The following SLC51A variants were observed in gnomAD, a reference collection of about 807,000 sequenced individuals.
SLC51A encodes organic solute transporter subunit alpha.
Under a neutral mutation model 34.8 loss-of-function variants are expected in SLC51A, and 22 were observed. The observed-to-expected ratio is 0.63, with a 90% CI of 0.45 to 0.90. SLC51A has a LOEUF of 0.90. Among genes scored for constraint, SLC51A ranks in the 40% least tolerant of loss-of-function variants. SLC51A has a pLI of 0.00. For missense variants in SLC51A, 371 were observed against 414.8 expected (o/e 0.89, Z 0.92); for synonymous variants, 181 against 176.3 (o/e 1.03, Z -0.21).
At position 196,224,536 on chromosome 3, in the gene SLC51A, C is replaced by T. The variant is rs142534043; in HGVS notation, c.134-2429C>T. On this transcript the variant is annotated intron_variant, in intron 2 of 8. Coordinates refer to ENST00000296327, the MANE Select transcript of SLC51A (RefSeq NM_152672.6). ...GCGAAAACCGTCTCTACTAGCTGGG[C>T]GTGGTGGCAGGTGCCTGTAATCCCA... Among the ~76,000 whole-genome samples the T allele has an allele frequency of 9.8e-3, 1,479 of 151,594 alleles. 39 individuals carry two copies. Among genetic ancestry groups the T allele is most frequent in the African/African-American group, 0.034 (1,395 of 41,292 alleles).
chr3:196,219,138 G>A (rs1367862768), intron 2 of SLC51A, among the ~76,000 whole-genome samples: 3 of 152,096 alleles, frequency 2.0e-5, no homozygotes, highest in East Asian at 3.9e-4. Flanking sequence ...AGGCAGGAGA[G>A]TTGCTTGAAC....
chr3:196,222,648 A>G (rs1723793627), intron 2 of SLC51A, among the ~76,000 whole-genome samples: 1 of 149,980 alleles, frequency 6.7e-6, no homozygotes, highest in Admixed American at 6.7e-5. Context: ...AAAAAAAAAA[A>G]GTTAAGTTTT....
At position 196,228,697 on chromosome 3, in the gene SLC51A, G is replaced by T; in HGVS notation, c.522-112G>T. On this transcript the variant is annotated intron_variant, in intron 5 of 8. Transcript: ENST00000296327. The surrounding 1 kb of genome is among the most constrained non-coding windows in gnomAD (Gnocchi z 4.9). ...CTGTCCCCATCCACTTAACCTGGTT[G>T]GTGTTTATGACAGCAGCCGAGCCTC... 1.2e-6 allele frequency: 1 copy of T among 840,792 alleles called. No homozygotes were observed. 52.1% of individuals were successfully genotyped at this position (840,792 alleles called of 1,614,324 possible).
At position 196,233,131 on chromosome 3, in the gene SLC51A, A is replaced by G. The variant is rs1255108567; in HGVS notation, c.955A>G (p.Arg319Gly). 1.9e-6 allele frequency: 3 copies of G among 1,614,236 alleles called. No homozygotes were observed. The highest frequency in any genetic ancestry group is 4.5e-5 in the East Asian group (2 of 44,886). The stretch of plus-strand genomic sequence containing the variant: ...TGTGCTGACACGAATGTACTACCGA[A>G]GGAAAGACCACAAGGTTGGGTATGA... ...MTVLTRMYYR[R>G]KDHKVGYETF... The change falls in exon 9 of 9, where the codon AGG becomes GGG. Residue 319 changes from arginine to glycine, a missense_variant. Arg to Gly is a moderately radical substitution (Grantham distance 125). Coordinates refer to ENST00000296327, the MANE Select transcript of SLC51A (RefSeq NM_152672.6).
At chr3:196,224,105 C>T (rs923657610) in intron 2 of SLC51A, 6 of 221,026 alleles carry the variant, frequency 2.7e-5, no homozygotes, top group African/African-American at 9.5e-5. Flanking sequence ...GTGATCCACC[C>T]GCCTCGGCCT....
At chr3:196,227,942 G>T in intron 4 of SLC51A, 173 bp from the exon 5 acceptor site, 1 of 1,002,214 alleles carries the variant, frequency 1.0e-6, no homozygotes, top group Non-Finnish European at 1.5e-6. Context: ...TGTTCCCACA[G>T]TCTGAAATTC....
chr3:196,223,751 G>T, intron 2 of SLC51A: 1 of 101,858 alleles, frequency 9.8e-6, no homozygotes. Flanking sequence ...AAAAAAAAAA[G>T]AAAGAAAGAA....
intron 6 of SLC51A, among the ~76,000 whole-genome samples, chr3:196,229,619 C>T (rs931376085): frequency 6.0e-5 from 9 of 150,794 alleles, no homozygotes; most frequent in Non-Finnish European, 1.3e-4. Flanking sequence ...TCAGGTGATC[C>T]GCCCGCCTCT....
Position 196,230,072 on chromosome 3 carries a change from C to T in SLC51A, c.780+11C>T, listed in dbSNP as rs367874138. On this transcript the variant is annotated intron_variant, in intron 7 of 8. Coordinates refer to ENST00000296327, the MANE Select transcript of SLC51A (RefSeq NM_152672.6). ...TTTGCTCTGTTCCAGGTAACTATAC[C>T]CTGGGAGAGAAAAGATGTTTCATAA... 3.8e-6 allele frequency: 6 copies of T among 1,596,822 alleles called. No individual in the cohort carries two copies. The African/African-American group carries it at 5.4e-5, about 14-fold the overall frequency.
rs1365124467 is a variant in SLC51A at position 196,216,901 on chromosome 3, G to A, written c.38+151G>A. On this transcript the variant is annotated intron_variant, in intron 1 of 8. Coordinates refer to ENST00000296327, the MANE Select transcript of SLC51A (RefSeq NM_152672.6). This position sits in a 1 kb window ranked among gnomAD's most constrained non-coding sequence, Gnocchi z 4.5. ...CTCTAGCTGTTCCTAGGTCCTCAGG[G>A]ACAACGTGGGTTTGGGCCAGGGTGT... The A allele has an allele frequency of 3.3e-6, 3 of 895,736 alleles. No homozygotes were observed. The African/African-American group carries it at 5.1e-5, about 15-fold the overall frequency. 55.5% of individuals were successfully genotyped at this position (895,736 alleles called of 1,614,324 possible).
chr3:196,225,025 CTTTT>C (rs34324841), intron 2 of SLC51A, among the ~76,000 whole-genome samples: 1 of 140,562 alleles, frequency 7.1e-6, no homozygotes. Context: ...AGGTATTTTC[CTTTT>C]TTTTTTTTTT....
chr3:196,230,353 G>T (rs191202408), intron 7 of SLC51A, among the ~76,000 whole-genome samples: 1 of 152,076 alleles, frequency 6.6e-6, no homozygotes, highest in African/African-American at 2.4e-5. Context: ...GAGCCAGCAG[G>T]GCCCTGCTCC....
At chr3:196,227,854 G>A in intron 4 of SLC51A, 117 bp downstream of exon 4, 1 of 1,089,752 alleles carries the variant, frequency 9.2e-7, no homozygotes, top group Non-Finnish European at 1.3e-6. Context: ...GCTTGTGCTA[G>A]TTCCGGGCTC....
At chr3:196,219,839 A>G (rs1469699738) in intron 2 of SLC51A, among the ~76,000 whole-genome samples, 1 of 152,250 alleles carries the variant, frequency 6.6e-6, no homozygotes, top group East Asian at 1.9e-4. Context: ...TTCAGGCCAA[A>G]GTGTCAATAG....
At chr3:196,221,845 A>G (rs933234048) in intron 2 of SLC51A, among the ~76,000 whole-genome samples, 1 of 151,822 alleles carries the variant, frequency 6.6e-6, no homozygotes, top group African/African-American at 2.4e-5. Flanking sequence ...CCTCCCGAGT[A>G]GCTGGGACTA....
At position 196,229,092 on chromosome 3, in the gene SLC51A, G is replaced by A. The variant is rs965793586; in HGVS notation, c.633+172G>A. On this transcript the variant is annotated intron_variant, in intron 6 of 8. Transcript: ENST00000296327. ...GAGAACCGCAATAGGCCAGGCCCCC[G>A]GGCTTTTTCATTACCGTTCCTGCCG... is the stretch of plus-strand genomic sequence containing the variant. Among the ~76,000 whole-genome samples the A allele has an allele frequency of 2.0e-4, 31 of 152,274 alleles. 1 individual carries two copies. Among genetic ancestry groups the A allele is most frequent in the African/African-American group, 7.2e-4 (30 of 41,562 alleles).
At chr3:196,223,978 CCT>C in intron 2 of SLC51A, 1 of 348,620 alleles carries the variant, frequency 2.9e-6, no homozygotes, top group Non-Finnish European at 5.5e-6. Context: ...CCTGCCTCAG[CCT>C]CTCCAGTAGG....
intron 2 of SLC51A, chr3:196,223,762 A>G (rs1167894330): frequency 6.0e-6 from 2 of 334,684 alleles, no homozygotes; most frequent in East Asian, 2.2e-4. Context: ...AAAGAAAGAA[A>G]ATACAGAACA....
chr3:196,216,699 G>A lies in SLC51A; in HGVS notation c.-14G>A. The A allele has an allele frequency of 6.4e-7, 1 of 1,563,244 alleles. No individual in the cohort carries two copies. The highest frequency in any genetic ancestry group is 8.7e-7 in the Non-Finnish European group (1 of 1,153,876). ...CACCCCGGTGCCTGCGGGATTGCTGGAGAGAACGCGGCGATGGAGCCGGGC... is the reference window on the plus strand; with the variant it reads ...CACCCCGGTGCCTGCGGGATTGCTGAAGAGAACGCGGCGATGGAGCCGGGC... On this transcript the variant is annotated 5_prime_UTR_variant, in exon 1 of 9. Transcript: ENST00000296327. This position sits in a 1 kb window ranked among gnomAD's most constrained non-coding sequence, Gnocchi z 4.5.
Sources: gnomAD v4.1 joint callset for allele counts (sites outside exome capture counted in the v4.1 genomes callset) on GRCh38, gnomAD v4.1.1 for gene constraint, Gnocchi (gnomAD v3.1) non-coding constraint, MANE v1.5 for transcripts, NCBI Gene and HGNC (gene_info 2026-07-23, HGNC 2026-07-21) for gene names.